Variants in COL3A1 observed in about 807,000 individuals in gnomAD.
COL3A1 encodes the protein collagen type III alpha 1 chain.
A neutral mutation model predicts 200.9 loss-of-function variants in COL3A1; 46 were observed. The ratio of observed to expected loss-of-function variants is 0.23; its 90% CI spans 0.18 to 0.29. COL3A1 has a LOEUF of 0.29. COL3A1 is among the 10% of genes least tolerant of loss of function. The pLI is 1.00. For missense variants in COL3A1, 1,367 were observed against 1,917.6 expected, an observed-to-expected ratio of 0.71 and a Z score of 5.36; for synonymous variants, 650 against 628.0, an observed-to-expected ratio of 1.03 and a Z score of -0.52.
chr2:188,993,229 C>A (rs772609164), intron 15 of COL3A1, 132 bp from the exon 16 acceptor site: 6 of 783,534 alleles, frequency 7.7e-6, no homozygotes, highest in Non-Finnish European at 1.3e-5. Flanking sequence ...TTAATGATTC[C>A]TTGCTTTACC....
In COL3A1 at chr2:188,987,043, T is replaced by C. The variant is rs1304887568; in HGVS notation, c.448-16T>C. The C allele has an allele frequency of 3.1e-6, 5 of 1,602,820 alleles. No individual in the cohort carries two copies. In the South Asian group the frequency reaches 5.5e-5, roughly 18 times the overall value. On this transcript the variant is annotated splice_polypyrimidine_tract_variant and intron_variant, in intron 4 of 50. Transcript: ENST00000304636. ...GTCTGTTAAAATGATCATATCTATT[T>C]GTCTCCTTGCCACAGAACTATTCTC...
At chr2:188,985,820 A>G (rs1007598856) in intron 4 of COL3A1, 42 bp downstream of exon 4, 4 of 1,261,480 alleles carry the variant, frequency 3.2e-6, no homozygotes, top group Non-Finnish European at 3.5e-6. Context: ...TCATAAAACT[A>G]TCTAGTTCAT....
intron 1 of COL3A1, among the ~76,000 whole-genome samples, chr2:188,982,489 A>G (rs1028435213): frequency 2.0e-5 from 3 of 151,846 alleles, no homozygotes; most frequent in African/African-American, 7.2e-5. Context: ...TCAAGAACAT[A>G]TAGAAGATAC....
At position 188,999,325 on chromosome 2, in the gene COL3A1, TGGCAGG is replaced by T. The variant is rs1576468160; in HGVS notation, c.2067_2072del (p.Gly690_Ala691del). ...CCTGGTGAACGTGGACCTCCTGGAT[TGGCAGG>T]GGCCCCAGGACTTAGAGGTGGAGCT... On this transcript the variant is annotated inframe_deletion, in exon 30 of 51. Transcript: ENST00000304636. 1 of 1,591,450 alleles carries T rather than the reference TGGCAGG, an allele frequency of 6.3e-7. No homozygotes were observed. Among genetic ancestry groups the T allele is most frequent in the Non-Finnish European group, 8.6e-7 (1 of 1,168,220 alleles).
In COL3A1 at chr2:188,990,257, T is replaced by C. The variant is rs375763223; in HGVS notation, c.745-50T>C. 34 of 1,588,464 alleles carry C rather than the reference T, an allele frequency of 2.1e-5. No individual in the cohort carries two copies. In the African/African-American group the frequency reaches 3.8e-4, roughly 18 times the overall value. Reference sequence around the variant, plus strand: ...AACAGAAAGTGTTTTACTACTAGATTGTGATTCTATTTGAAGGTTCATTAA... The same window carrying C: ...AACAGAAAGTGTTTTACTACTAGATCGTGATTCTATTTGAAGGTTCATTAA... On this transcript the variant is annotated intron_variant, in intron 9 of 50. Coordinates refer to ENST00000304636, the MANE Select transcript of COL3A1 (RefSeq NM_000090.4).
intron 9 of COL3A1, 78 bp downstream of exon 9, chr2:188,990,227 T>C: frequency 6.3e-7 from 1 of 1,580,566 alleles, no homozygotes; most frequent in South Asian, 1.1e-5. Flanking sequence ...GGAATTAAAC[T>C]TAAAAACAGA....
chr2:189,010,656 C>T lies in COL3A1; in HGVS notation c.4020C>T (p.Tyr1340=), dbSNP rs766750333. ...TTTGTTCCCTATTACAGTTTAGCTA[C>T]GGCAATCCTGAACTTCCTGAAGATG... The part of the protein sequence containing the change: ...ESMDGGFQFS[Y]GNPELPEDVL... The change falls in exon 50 of 51, where the codon TAC becomes TAT. Residue 1340 remains tyrosine, a synonymous_variant. Transcript: ENST00000304636. 20 of 1,614,010 alleles carry T rather than the reference C, an allele frequency of 1.2e-5. No individual in the cohort carries two copies. The highest frequency in any genetic ancestry group is 4.5e-5 in the East Asian group (2 of 44,896).
At chr2:188,977,715 A>T (rs934028416) in intron 1 of COL3A1, among the ~76,000 whole-genome samples, 10 of 152,062 alleles carry the variant, frequency 6.6e-5, no homozygotes, top group Non-Finnish European at 2.9e-5. Context: ...ATACACATTA[A>T]AATCAGATAT....
Position 189,004,111 on chromosome 2 carries a change from G to A in COL3A1, c.2791G>A (p.Glu931Lys), listed in dbSNP as rs1553509193. Residue 931 changes from glutamate to lysine, a missense_variant, in exon 39 of 51, where the codon GAG becomes AAG. Around this residue, in one of 5 missense-constraint regions of COL3A1, gnomAD observed 846 missense variants for 1,147.9 expected, o/e 0.74. Transcript: ENST00000304636. ...GPKGDAGQPG[E>K]KGSPGAQGPP... ...AAAAGGTGATGCTGGCCAACCAGGA[G>A]AGAAGGGATCGCCTGGTGCCCAGGG... 1 of 1,613,912 alleles carries A rather than the reference G, an allele frequency of 6.2e-7. No homozygotes were observed. Among genetic ancestry groups the A allele is most frequent in the Non-Finnish European group, 8.5e-7 (1 of 1,180,012 alleles).
Position 188,983,533 on chromosome 2 carries a change from G to A in COL3A1, c.80-1227G>A, listed in dbSNP as rs538811916. Among the ~76,000 whole-genome samples the A allele has an allele frequency of 1.5e-4, 23 of 151,926 alleles. No homozygotes were observed. The South Asian group carries it at 3.9e-3, about 26-fold the overall frequency. On this transcript the variant is annotated intron_variant, in intron 1 of 50. Coordinates refer to ENST00000304636, the MANE Select transcript of COL3A1 (RefSeq NM_000090.4). ...CTAGACAGAGAGATGATATAGCAAC[G>A]GGACCTCGAAAAGGTGATCTTTTGT...
At chr2:189,001,803 T>G (rs1325434784) in intron 34 of COL3A1, among the ~76,000 whole-genome samples, 2 of 152,164 alleles carry the variant, frequency 1.3e-5, no homozygotes, top group Non-Finnish European at 2.9e-5. Context: ...TCAGGATTTC[T>G]TTCCTAAATA....
At chr2:189,007,693 T>C (rs745787644) in intron 45 of COL3A1, 86 bp downstream of exon 45, 9 of 1,289,374 alleles carry the variant, frequency 7.0e-6, no homozygotes, top group Non-Finnish European at 9.9e-6. Flanking sequence ...TCTCTAAAAA[T>C]ATGTACTAGA....
At position 188,994,954 on chromosome 2, in the gene COL3A1, C is replaced by A; in HGVS notation, c.1456-92C>A. 1.9e-6 allele frequency: 3 copies of A among 1,543,948 alleles called. No individual in the cohort carries two copies. The highest frequency in any genetic ancestry group is 2.7e-6 in the Non-Finnish European group (3 of 1,116,524). ...TGTTCAGTGAAAATATTGTTTAAAG[C>A]ATTCTATGACATAAAAATATTTGCC... On this transcript the variant is annotated intron_variant, in intron 20 of 50. Transcript: ENST00000304636. The surrounding 1 kb of genome is among the most constrained non-coding windows in gnomAD (Gnocchi z 4.5).
At position 189,002,964 on chromosome 2, in the gene COL3A1, G is replaced by T; in HGVS notation, c.2455G>T (p.Gly819Cys). 1 of 1,551,454 alleles carries T rather than the reference G, an allele frequency of 6.4e-7. No individual in the cohort carries two copies. The highest frequency in any genetic ancestry group is 8.7e-7 in the Non-Finnish European group (1 of 1,146,804). Residue 819 changes from glycine to cysteine, a missense_variant, in exon 36 of 51, where the codon GGT becomes TGT. Around this residue, in one of 5 missense-constraint regions of COL3A1, gnomAD observed 846 missense variants for 1,147.9 expected, o/e 0.74. Transcript: ENST00000304636. ...TTGTTGTTGCATGTAGGGACAGAATGGTGAACCTGGTGGTAAAGGAGAAAG... is the reference window on the plus strand; with the variant it reads ...TTGTTGTTGCATGTAGGGACAGAATTGTGAACCTGGTGGTAAAGGAGAAAG... ...AGFPGAPGQNGEPGGKGERGA... is the reference protein window; with the variant it reads ...AGFPGAPGQNCEPGGKGERGA...
At chr2:188,978,408 C>T (rs1687872607) in intron 1 of COL3A1, among the ~76,000 whole-genome samples, 1 of 151,992 alleles carries the variant, frequency 6.6e-6, no homozygotes, top group Non-Finnish European at 1.5e-5. Context: ...TGTTCTACAT[C>T]TACGGTCACA....
chr2:188,988,543 A>T (rs765101672), intron 6 of COL3A1, 47 bp from the exon 7 acceptor site: 3 of 1,269,222 alleles, frequency 2.4e-6, no homozygotes, highest in Non-Finnish European at 3.4e-6. Context: ...AATGAATTAT[A>T]TGAAGATTTT....
intron 1 of COL3A1, among the ~76,000 whole-genome samples, chr2:188,978,669 A>G (rs763111903): frequency 1.3e-5 from 2 of 151,540 alleles, no homozygotes; most frequent in Admixed American, 6.6e-5. Context: ...TTCCAGGTCT[A>G]CAATAACTTT....
chr2:188,996,264 G>A, intron 23 of COL3A1, 86 bp downstream of exon 23: 1 of 970,362 alleles, frequency 1.0e-6, no homozygotes, highest in Non-Finnish European at 1.6e-6. Context: ...GTGTGTGTGT[G>A]TGTGTGTATA....
chr2:188,998,805 ACT>A (rs1282720049), intron 29 of COL3A1, 87 bp downstream of exon 29: 5 of 1,199,338 alleles, frequency 4.2e-6, no homozygotes, highest in African/African-American at 1.5e-5. Flanking sequence ...AAGCCAAAAT[ACT>A]CTTTCTTTAA....
Sources: gnomAD v4.1 joint callset for allele counts (sites outside exome capture counted in the v4.1 genomes callset) on GRCh38, gnomAD v4.1.1 for gene constraint, gnomAD v4.1.1 regional missense constraint, Gnocchi (gnomAD v3.1) non-coding constraint, MANE v1.5 for transcripts, NCBI Gene and HGNC (gene_info 2026-07-23, HGNC 2026-07-21) for gene names.